The following CNTNAP5 variants were observed in gnomAD, a reference collection of about 807,000 sequenced individuals.
CNTNAP5 encodes contactin associated protein family member 5.
CNTNAP5 carries 72 observed loss-of-function variants against 150.2 expected under a neutral mutation model. The observed-to-expected ratio is 0.48, with a 90% CI of 0.40 to 0.58. The LOEUF (loss-of-function observed/expected upper bound fraction) is 0.58, where lower values mean the gene tolerates loss of function less well. Ranked by LOEUF, CNTNAP5 falls within the 20% of genes least tolerant of loss-of-function variation. The pLI is 0.00. For synonymous variants in CNTNAP5, 672 were observed against 619.8 expected, an observed-to-expected ratio of 1.08 and a Z score of -1.25; for missense variants, 1,636 against 1,626.2, an observed-to-expected ratio of 1.01 and a Z score of -0.10.
chr2:124,315,263 C>G (rs1688935861), intron 3 of CNTNAP5, among the ~76,000 whole-genome samples: 1 of 152,202 alleles, frequency 6.6e-6, no homozygotes, highest in Admixed American at 6.5e-5. Context: ...CGCTGAGCCC[C>G]TAATACGCCT....
chr2:124,128,805 G>A (rs192684616), intron 1 of CNTNAP5, among the ~76,000 whole-genome samples: 6 of 152,066 alleles, frequency 3.9e-5, no homozygotes, highest in Non-Finnish European at 7.4e-5. Flanking sequence ...GCAAACTATC[G>A]CAAGGGCAGA....
chr2:124,505,941 A>G (rs980226409), intron 8 of CNTNAP5, among the ~76,000 whole-genome samples: 10 of 152,202 alleles, frequency 6.6e-5, no homozygotes, highest in African/African-American at 2.4e-4. Context: ...CTACAATTTA[A>G]TTTAGATGCC....
chr2:124,216,247 T>C (rs1686151030), intron 1 of CNTNAP5, among the ~76,000 whole-genome samples: 1 of 151,958 alleles, frequency 6.6e-6, no homozygotes, highest in Non-Finnish European at 1.5e-5. Flanking sequence ...CTTTACATTA[T>C]AAAGAAAAGG....
chr2:124,359,447 T>C (rs1290661661), intron 3 of CNTNAP5, among the ~76,000 whole-genome samples: 2 of 152,052 alleles, frequency 1.3e-5, no homozygotes, highest in Non-Finnish European at 2.9e-5. Flanking sequence ...CATTTAGTGC[T>C]ATAAATTTCC....
intron 1 of CNTNAP5, among the ~76,000 whole-genome samples, chr2:124,167,523 G>C (rs1386967533): frequency 1.3e-5 from 2 of 151,886 alleles, no homozygotes; most frequent in African/African-American, 4.8e-5. Context: ...GTTTTTTAAA[G>C]CAAAAAAGCA....
intron 1 of CNTNAP5, among the ~76,000 whole-genome samples, chr2:124,186,635 G>A (rs1271465435): frequency 6.6e-6 from 1 of 152,046 alleles, no homozygotes; most frequent in Admixed American, 6.6e-5. Context: ...CCAACCTGAG[G>A]GCGGAGATGT....
chr2:124,095,896 A>G (rs2104690986), intron 1 of CNTNAP5, among the ~76,000 whole-genome samples: 1 of 152,336 alleles, frequency 6.6e-6, no homozygotes, highest in South Asian at 2.1e-4. Flanking sequence ...TGAGATAAAC[A>G]TCGTTAGCCC....
chr2:124,627,258 G>C (rs1677746088), intron 12 of CNTNAP5, among the ~76,000 whole-genome samples: 1 of 152,126 alleles, frequency 6.6e-6, no homozygotes. Context: ...GCGGATCCCT[G>C]ACCCTGTGCC....
rs1678771224 is a variant in CNTNAP5 at position 124,916,463 on chromosome 2, G to A, written c.*2175G>A. Among the ~76,000 whole-genome samples, 1 of 151,976 alleles carries A rather than the reference G, an allele frequency of 6.6e-6. No individual in the cohort carries two copies. The highest frequency in any genetic ancestry group is 1.9e-4 in the East Asian group (1 of 5,164). ...TGTCCCCTGAAATAAAAGTCACCAT[G>A]AAGTGTAGTAGGTTTAGCCTGAAGC... On this transcript the variant is annotated 3_prime_UTR_variant, in exon 24 of 24. Coordinates refer to ENST00000682447, the MANE Select transcript of CNTNAP5 (RefSeq NM_001367498.1).
chr2:124,416,939 T>A (rs1049527824), intron 3 of CNTNAP5, among the ~76,000 whole-genome samples: 1 of 143,332 alleles, frequency 7.0e-6, no homozygotes, highest in Non-Finnish European at 1.5e-5. Flanking sequence ...GGGATTTCTT[T>A]TTTTTTTTTT....
chr2:124,607,225 G>C (rs1305601386), intron 11 of CNTNAP5, among the ~76,000 whole-genome samples: 3 of 152,142 alleles, frequency 2.0e-5, no homozygotes, highest in Admixed American at 6.5e-5. Flanking sequence ...AGGTGGTTCT[G>C]TCTTGGTCTC....
At chr2:124,500,841 G>GGC (rs1455911231) in intron 7 of CNTNAP5, among the ~76,000 whole-genome samples, 4 of 150,118 alleles carry the variant, frequency 2.7e-5, no homozygotes, top group Non-Finnish European at 5.9e-5. Flanking sequence ...AGGAACAATA[G>GGC]GAGACCTACA....
chr2:124,184,083 T>C (rs964672660), intron 1 of CNTNAP5, among the ~76,000 whole-genome samples: 3 of 152,060 alleles, frequency 2.0e-5, no homozygotes, highest in Non-Finnish European at 2.9e-5. Flanking sequence ...GGTAGAGTAT[T>C]GGGGAGTTCG....
intron 6 of CNTNAP5, among the ~76,000 whole-genome samples, chr2:124,463,291 A>G (rs139945856): frequency 1.3e-5 from 2 of 152,340 alleles, no homozygotes; most frequent in African/African-American, 4.8e-5. Flanking sequence ...TATAAAATAT[A>G]TGTTAGGCCT....
chr2:124,667,228 T>A (rs1048948534), intron 13 of CNTNAP5, among the ~76,000 whole-genome samples: 1 of 152,304 alleles, frequency 6.6e-6, no homozygotes, highest in South Asian at 2.1e-4. Context: ...CCTGATTGAT[T>A]AGCACCAGAA....
chr2:124,107,243 A>C (rs945328120), intron 1 of CNTNAP5, among the ~76,000 whole-genome samples: 1 of 152,178 alleles, frequency 6.6e-6, no homozygotes, highest in East Asian at 1.9e-4. Context: ...CCTGGAATTG[A>C]GAACAATGAG....
intron 1 of CNTNAP5, among the ~76,000 whole-genome samples, chr2:124,057,539 C>A (rs1205065264): frequency 6.7e-6 from 1 of 148,552 alleles, no homozygotes; most frequent in Non-Finnish European, 1.5e-5. Context: ...ATCCGCCCGC[C>A]TTGGACTCCC....
chr2:124,286,966 C>A (rs1688169698), intron 3 of CNTNAP5, among the ~76,000 whole-genome samples: 1 of 152,142 alleles, frequency 6.6e-6, no homozygotes, highest in South Asian at 2.1e-4. Flanking sequence ...CTTTTCTGTG[C>A]CCTGAACCCA....
Position 124,919,851 on chromosome 2 carries a change from C to A in CNTNAP5, c.*5563C>A, listed in dbSNP as rs66932981. On this transcript the variant is annotated 3_prime_UTR_variant, in exon 24 of 24. Transcript: ENST00000682447. ...GCCCAGGTTAAGCACCCAGATGCAACTTTCAGGAAATGAAACTGTCAGAAA... is the reference window on the plus strand; with the variant it reads ...GCCCAGGTTAAGCACCCAGATGCAAATTTCAGGAAATGAAACTGTCAGAAA... 0.25 allele frequency among the ~76,000 whole-genome samples: 38,495 copies of A among 151,688 alleles called. 5,994 individuals carry two copies. The highest frequency in any genetic ancestry group is 0.36 in the Non-Finnish European group (24,220 of 67,896).
Sources: allele counts gnomAD v4.1 joint callset (sites outside exome capture counted in the v4.1 genomes callset), GRCh38; gene constraint gnomAD v4.1.1; transcripts MANE v1.5; gene names NCBI Gene and HGNC (gene_info 2026-07-23, HGNC 2026-07-21).